Variants in PDE1C observed in about 807,000 individuals in gnomAD.
PDE1C encodes the protein dual specificity calcium/calmodulin-dependent 3',5'-cyclic nucleotide phosphodiesterase 1C.
In PDE1C, 62 loss-of-function variants were observed where a neutral mutation model predicts 93.1. The ratio of observed to expected loss-of-function variants is 0.67; its 90% CI spans 0.54 to 0.82. The LOEUF is 0.82. Ranked by LOEUF, PDE1C falls within the 40% of genes least tolerant of loss-of-function variation. The pLI is 0.00. For missense variants in PDE1C, 742 were observed against 884.6 expected (o/e 0.84, Z 2.04); for synonymous variants, 325 against 310.1 (o/e 1.05, Z -0.50).
chr7:32,027,978 T>A (rs1326695348), intron 2 of PDE1C, among the ~76,000 whole-genome samples: 2 of 152,090 alleles, frequency 1.3e-5, no homozygotes, highest in Admixed American at 6.6e-5. Context: ...GATTAGAACT[T>A]AAGTATGTCT....
At chr7:32,246,980 A>G (rs1192880757) in intron 1 of PDE1C, among the ~76,000 whole-genome samples, 1 of 152,266 alleles carries the variant, frequency 6.6e-6, no homozygotes, top group Non-Finnish European at 1.5e-5. Context: ...AGAAGCATTC[A>G]GTGGGAGAGA....
chr7:31,853,507 T>G (rs1793602985), intron 7 of PDE1C, among the ~76,000 whole-genome samples: 1 of 152,074 alleles, frequency 6.6e-6, no homozygotes, highest in African/African-American at 2.4e-5. Context: ...TGCCCTTGAC[T>G]GGAGCGGGAG....
chr7:32,083,341 T>A (rs1019007675), intron 3 of PDE1C, among the ~76,000 whole-genome samples: 1 of 151,562 alleles, frequency 6.6e-6, no homozygotes, highest in Non-Finnish European at 1.5e-5. Flanking sequence ...CCAAGAAATA[T>A]GGGACTATGT....
the PDE1C span, among the ~76,000 whole-genome samples, chr7:31,718,847 T>C: frequency 6.6e-6 from 1 of 152,266 alleles, no homozygotes; most frequent in African/African-American, 2.4e-5. Flanking sequence ...GTGCTCATCA[T>C]AGGTCCTGGG....
chr7:32,321,141 G>C (rs540384503), intron 1 of PDE1C, among the ~76,000 whole-genome samples: 16 of 152,286 alleles, frequency 1.1e-4, no homozygotes, highest in Non-Finnish European at 1.9e-4. Context: ...AAATCTCAAA[G>C]AGAATTACAC....
chr7:32,284,003 C>A (rs1038459382), intron 1 of PDE1C, among the ~76,000 whole-genome samples: 1 of 152,114 alleles, frequency 6.6e-6, no homozygotes, highest in Non-Finnish European at 1.5e-5. Context: ...AGAAGCATCC[C>A]GAGGACATTT....
intron 2 of PDE1C, among the ~76,000 whole-genome samples, chr7:31,955,015 G>A (rs1279632176): frequency 6.6e-6 from 1 of 152,130 alleles, no homozygotes; most frequent in Non-Finnish European, 1.5e-5. Context: ...GTCTCAAAAT[G>A]TGAATAAATA....
At chr7:31,988,995 C>CAAAAAAAA (rs36081234) in intron 2 of PDE1C, among the ~76,000 whole-genome samples, 1 of 34,152 alleles carries the variant, frequency 2.9e-5, no homozygotes, top group African/African-American at 1.1e-4. Flanking sequence ...AACTTCTTCT[C>CAAAAAAAA]AAAAAAAAAA....
At chr7:32,143,948 A>G (rs1014855677) in intron 3 of PDE1C, among the ~76,000 whole-genome samples, 1 of 152,202 alleles carries the variant, frequency 6.6e-6, no homozygotes, top group Non-Finnish European at 1.5e-5. Context: ...CTGCCCAGGT[A>G]GGGTGGGAAG....
At chr7:32,345,275 G>C (rs1783830448) in intron 1 of PDE1C, among the ~76,000 whole-genome samples, 1 of 152,188 alleles carries the variant, frequency 6.6e-6, no homozygotes, top group African/African-American at 2.4e-5. Context: ...ACCTGCAGTG[G>C]GGAGGAAAGC....
At chr7:31,890,746 T>A (rs972682836) in intron 2 of PDE1C, among the ~76,000 whole-genome samples, 2 of 152,160 alleles carry the variant, frequency 1.3e-5, no homozygotes, top group African/African-American at 2.4e-5. Flanking sequence ...ATTAAAAACC[T>A]TCAAATAATG....
chr7:32,048,483 CA>C (rs767073057), intron 2 of PDE1C, among the ~76,000 whole-genome samples: 2 of 151,684 alleles, frequency 1.3e-5, no homozygotes, highest in Non-Finnish European at 2.9e-5. Flanking sequence ...CCCTGGAGGA[CA>C]AAAGCCATGT....
intron 6 of PDE1C, among the ~76,000 whole-genome samples, chr7:31,872,701 C>G (rs1446858682): frequency 2.0e-5 from 3 of 152,054 alleles, no homozygotes; most frequent in Non-Finnish European, 4.4e-5. Context: ...TACATCAACT[C>G]CCTGAGGATC....
rs375655560 is a variant in PDE1C at position 31,830,295 on chromosome 7, T to C, written c.1204-1922A>G. Reference sequence around the variant, plus strand: ...ACAATACTGTATGACTCTACAGCTATAGCTTAAAATTATTCATACACTTCC... The same window carrying C: ...ACAATACTGTATGACTCTACAGCTACAGCTTAAAATTATTCATACACTTCC... On this transcript the variant is annotated intron_variant, in intron 11 of 17. Transcript: ENST00000396191. Among the ~76,000 whole-genome samples the C allele has an allele frequency of 5.9e-4, 90 of 152,266 alleles. 3 individuals are homozygous for C. The South Asian group carries it at 0.015, about 25-fold the overall frequency.
intron 1 of PDE1C, among the ~76,000 whole-genome samples, chr7:32,330,383 C>T (rs1158400097): frequency 6.6e-6 from 1 of 152,226 alleles, no homozygotes; most frequent in African/African-American, 2.4e-5. Flanking sequence ...AGAGGAGGAC[C>T]TTTCCTGGGC....
At chr7:32,164,956 A>G (rs2128800741) in intron 3 of PDE1C, among the ~76,000 whole-genome samples, 1 of 152,340 alleles carries the variant, frequency 6.6e-6, no homozygotes, top group African/African-American at 2.4e-5. Context: ...ACAGGTTTAA[A>G]GGGATAAAAT....
At chr7:31,742,072 T>TG in the PDE1C span, among the ~76,000 whole-genome samples, 1 of 152,170 alleles carries the variant, frequency 6.6e-6, no homozygotes, top group Admixed American at 6.6e-5. Context: ...CCAATATTAT[T>TG]GAACAAAGGA....
chr7:32,288,437 A>C (rs535149174), intron 1 of PDE1C, among the ~76,000 whole-genome samples: 1 of 152,314 alleles, frequency 6.6e-6, no homozygotes, highest in Non-Finnish European at 1.5e-5. Context: ...ACACAACTGG[A>C]CTAAATTCTG....
intron 3 of PDE1C, among the ~76,000 whole-genome samples, chr7:32,123,070 A>G (rs1799385976): frequency 6.6e-6 from 1 of 152,232 alleles, no homozygotes; most frequent in Non-Finnish European, 1.5e-5. Flanking sequence ...ACCATCAGAA[A>G]ATACTATAAA....
Sources: gnomAD v4.1 joint callset for allele counts (sites outside exome capture counted in the v4.1 genomes callset) on GRCh38, gnomAD v4.1.1 for gene constraint, MANE v1.5 for transcripts, NCBI Gene and HGNC (gene_info 2026-07-23, HGNC 2026-07-21) for gene names.